The following TAF1B variants were observed in gnomAD, a reference collection of about 807,000 sequenced individuals.
The protein encoded by TAF1B is TATA box-binding protein-associated factor RNA polymerase I subunit B.
A neutral mutation model predicts 83.9 loss-of-function variants in TAF1B; 61 were observed. The observed-to-expected ratio is 0.73, with a 90% CI of 0.59 to 0.90. The LOEUF (loss-of-function observed/expected upper bound fraction) is 0.90, where lower values mean the gene tolerates loss of function less well. TAF1B is among the 40% of genes least tolerant of loss of function. The pLI, the probability that TAF1B is intolerant of heterozygous loss-of-function variation, is 0.00. For synonymous variants in TAF1B, 221 were observed against 224.6 expected (o/e 0.98, Z 0.14); for missense variants, 625 against 677.0 (o/e 0.92, Z 0.85).
chr2:9,878,894 A>T (rs1572242225), intron 7 of TAF1B, among the ~76,000 whole-genome samples: 1 of 152,228 alleles, frequency 6.6e-6, no homozygotes, highest in African/African-American at 2.4e-5. Flanking sequence ...GGGAAAGGCT[A>T]TTCAGAAGAT....
At chr2:9,903,147 G>A (rs1031801486) in intron 8 of TAF1B, among the ~76,000 whole-genome samples, 7 of 152,046 alleles carry the variant, frequency 4.6e-5, no homozygotes, top group Admixed American at 3.9e-4. Context: ...GTGCAGTGGC[G>A]CAGTCTCGGC....
intron 6 of TAF1B, among the ~76,000 whole-genome samples, chr2:9,874,868 C>T (rs1391654059): frequency 3.3e-5 from 5 of 152,078 alleles, no homozygotes; most frequent in Non-Finnish European, 5.9e-5. Flanking sequence ...AAAGCAGTTA[C>T]ACATCTTTTG....
chr2:9,866,108 C>T lies in TAF1B; in HGVS notation c.400-2168C>T, dbSNP rs543247057. 2.7e-3 allele frequency among the ~76,000 whole-genome samples: 406 copies of T among 150,160 alleles called. 1 individual carries two copies. Among genetic ancestry groups the T allele is most frequent in the African/African-American group, 9.2e-3 (379 of 41,184 alleles). ...AATGGGATCTAATTAAACTAAAGAG[C>T]TTCTGCACAGCAAAAGAAACTACCA... is the stretch of plus-strand genomic sequence containing the variant. On this transcript the variant is annotated intron_variant, in intron 5 of 14. Transcript: ENST00000263663.
intron 12 of TAF1B, among the ~76,000 whole-genome samples, chr2:9,917,585 AAGT>A (rs1340068719): frequency 1.3e-5 from 2 of 152,236 alleles, no homozygotes; most frequent in African/African-American, 4.8e-5. Flanking sequence ...AACCCTGTGA[AAGT>A]AGAGGATAAG....
intron 8 of TAF1B, among the ~76,000 whole-genome samples, chr2:9,896,439 C>G (rs781457426): frequency 1.4e-4 from 21 of 152,190 alleles, no homozygotes; most frequent in South Asian, 6.2e-4. Context: ...TCCGCTAAGT[C>G]TTGGCTTCTT....
At chr2:9,859,404 T>TTTTTA (rs1663677320) in intron 5 of TAF1B, among the ~76,000 whole-genome samples, 4 of 147,244 alleles carry the variant, frequency 2.7e-5, no homozygotes, top group South Asian at 2.2e-4. Flanking sequence ...TTTTTTTTTT[T>TTTTTA]GAGATAGAGT....
intron 8 of TAF1B, among the ~76,000 whole-genome samples, chr2:9,903,355 G>A (rs959145179): frequency 6.6e-6 from 1 of 152,112 alleles, no homozygotes; most frequent in Admixed American, 6.6e-5. Context: ...AAAGTGCTGG[G>A]ATTACAGGTG....
At chr2:9,870,101 TATA>T (rs1284201509) in intron 6 of TAF1B, among the ~76,000 whole-genome samples, 8 of 140,920 alleles carry the variant, frequency 5.7e-5, no homozygotes, top group Admixed American at 4.9e-4. Context: ...AAACTTAAAG[TATA>T]ATAATAAATA....
At chr2:9,883,040 C>G (rs1054924785) in intron 8 of TAF1B, among the ~76,000 whole-genome samples, 1 of 152,128 alleles carries the variant, frequency 6.6e-6, no homozygotes, top group Non-Finnish European at 1.5e-5. Flanking sequence ...GTGTGCATTG[C>G]AGATAGGTAT....
chr2:9,897,523 T>A (rs718255), intron 8 of TAF1B, among the ~76,000 whole-genome samples: 34,655 of 152,110 alleles, frequency 0.23, 4,804 homozygotes, highest in East Asian at 0.31. Context: ...TCTGATCTTC[T>A]CCCTGAATGA....
intron 8 of TAF1B, among the ~76,000 whole-genome samples, chr2:9,903,508 TAAAG>T (rs555643674): frequency 1.4e-4 from 22 of 152,364 alleles, no homozygotes; most frequent in South Asian, 1.0e-3. Flanking sequence ...TTCGAGTTCT[TAAAG>T]TAAGTGCTAG....
At chr2:9,920,701 G>A (rs1205781399) in intron 14 of TAF1B, among the ~76,000 whole-genome samples, 3 of 152,070 alleles carry the variant, frequency 2.0e-5, no homozygotes, top group Non-Finnish European at 2.9e-5. Context: ...AAATCTGCAG[G>A]GAGATACTTG....
intron 14 of TAF1B, among the ~76,000 whole-genome samples, chr2:9,924,211 A>AG (rs1665969519): frequency 1.3e-5 from 2 of 152,166 alleles, no homozygotes; most frequent in Admixed American, 1.3e-4. Context: ...GAAGCAAAAA[A>AG]GGCTTCAGCT....
At chr2:9,890,057 G>A (rs1664819697) in intron 8 of TAF1B, among the ~76,000 whole-genome samples, 2 of 152,092 alleles carry the variant, frequency 1.3e-5, no homozygotes, top group Admixed American at 1.3e-4. Flanking sequence ...GTCCTTTGTG[G>A]TACTAAGCTT....
intron 5 of TAF1B, among the ~76,000 whole-genome samples, chr2:9,865,748 A>T (rs1392050930): frequency 6.6e-6 from 1 of 151,730 alleles, no homozygotes; most frequent in Non-Finnish European, 1.5e-5. Flanking sequence ...ATACAGACCA[A>T]TGGAACAGAA....
chr2:9,904,463 A>C (rs1309807941), intron 8 of TAF1B, among the ~76,000 whole-genome samples: 1 of 152,166 alleles, frequency 6.6e-6, no homozygotes, highest in Admixed American at 6.5e-5. Flanking sequence ...GTAATATTCC[A>C]TGGTGTATAT....
At chr2:9,864,755 T>C (rs1417576665) in intron 5 of TAF1B, among the ~76,000 whole-genome samples, 2 of 152,248 alleles carry the variant, frequency 1.3e-5, no homozygotes, top group East Asian at 1.9e-4. Context: ...TCAAGTGGGC[T>C]TCATCCCTGG....
At chr2:9,853,872 T>C (rs1203894039) in intron 4 of TAF1B, among the ~76,000 whole-genome samples, 5 of 152,216 alleles carry the variant, frequency 3.3e-5, no homozygotes, top group Non-Finnish European at 7.3e-5. Flanking sequence ...TGTACTCTGA[T>C]CCTTAATTTA....
At chr2:9,903,509 AAAGT>A (rs1370781023) in intron 8 of TAF1B, among the ~76,000 whole-genome samples, 1 of 152,202 alleles carries the variant, frequency 6.6e-6, no homozygotes, top group Admixed American at 6.5e-5. Context: ...TCGAGTTCTT[AAAGT>A]AAGTGCTAGA....
Sources: allele counts gnomAD v4.1 joint callset (sites outside exome capture counted in the v4.1 genomes callset), GRCh38; gene constraint gnomAD v4.1.1; transcripts MANE v1.5; gene names NCBI Gene and HGNC (gene_info 2026-07-23, HGNC 2026-07-21).